The following VPS28 variants were observed in gnomAD, a reference collection of about 807,000 sequenced individuals.
VPS28 encodes the protein VPS28 subunit of ESCRT-I.
A neutral mutation model predicts 33.7 loss-of-function variants in VPS28; 29 were observed. The observed-to-expected ratio is 0.86, with a 90% CI of 0.64 to 1.17. The LOEUF (loss-of-function observed/expected upper bound fraction) is 1.17. Among genes scored for constraint, VPS28 ranks in the 50% most tolerant of loss-of-function variants. VPS28 has a pLI of 0.00. For missense variants in VPS28, 247 were observed against 312.2 expected (o/e 0.79, Z 1.57); for synonymous variants, 164 against 116.7 (o/e 1.40, Z -2.61).
At position 144,423,700 on chromosome 8, in the gene VPS28, G is replaced by A. The variant is rs1554875740; in HGVS notation, c.*105C>T. 4 of 1,418,348 alleles carry A rather than the reference G, an allele frequency of 2.8e-6. No individual in the cohort carries two copies. In the Admixed American group the frequency reaches 5.7e-5, roughly 20 times the overall value. The allele number at this position is 1,418,348 out of a possible 1,614,324, so 87.9% of individuals were successfully genotyped here. On this transcript the variant is annotated 3_prime_UTR_variant, in exon 10 of 10. Transcript: ENST00000292510. ...AAAGACAGACACCAGACAGGCAGCT[G>A]CAGACAGTGAGTTGTGTGGATGACC... is the stretch of plus-strand genomic sequence containing the variant.
At chr8:144,424,297 C>A (rs368917382) in intron 7 of VPS28, 29 bp from the exon 8 acceptor site, 6 of 1,568,856 alleles carry the variant, frequency 3.8e-6, no homozygotes, top group Admixed American at 1.9e-5. Context: ...ATGAGGCTCG[C>A]GTGTCCACGG....
intron 2 of VPS28, 153 bp from the exon 3 acceptor site, chr8:144,426,361 A>G (rs1391905478): frequency 1.9e-6 from 2 of 1,037,134 alleles, no homozygotes; most frequent in Admixed American, 3.1e-5. Context: ...TTCCAACCTC[A>G]CCCCTATCAG....
At position 144,426,991 on chromosome 8, in the gene VPS28, A is replaced by G. The variant is rs1554877017; in HGVS notation, c.-34-12T>C. 3 of 1,605,280 alleles carry G rather than the reference A, an allele frequency of 1.9e-6. No homozygotes were observed. The highest frequency in any genetic ancestry group is 3.3e-4 in the Middle Eastern group (2 of 6,040). On this transcript the variant is annotated splice_polypyrimidine_tract_variant and intron_variant, in intron 1 of 9. Coordinates refer to ENST00000292510, the MANE Select transcript of VPS28 (RefSeq NM_016208.4). ...CACAGCACTGAGACCTGGGGAGCAG[A>G]GCCAGGGCCGACTCAAAGATGGCCC...
Position 144,424,926 on chromosome 8 carries a change from T to C in VPS28, c.300+20A>G, listed in dbSNP as rs1330595908. 3 of 1,600,302 alleles carry C rather than the reference T, an allele frequency of 1.9e-6. No individual in the cohort carries two copies. The highest frequency in any genetic ancestry group is 2.6e-6 in the Non-Finnish European group (3 of 1,173,130). On this transcript the variant is annotated intron_variant, in intron 6 of 9. Coordinates refer to ENST00000292510, the MANE Select transcript of VPS28 (RefSeq NM_016208.4). ...GCCCGACAGTCTCGCCCCATGGGGG[T>C]GGAAGGACCAGGCACTCACGCGGAA...
rs1564719272 is a variant in VPS28 at position 144,425,668 on chromosome 8, G to A, written c.194+15C>T. The A allele has an allele frequency of 6.2e-6, 10 of 1,613,392 alleles. No homozygotes were observed. Among genetic ancestry groups the A allele is most frequent in the Admixed American group, 3.3e-5 (2 of 60,016 alleles). ...CCCAGGGCAGGAACAGACCTCCCAG[G>A]ACGTGGGCTCTTACTCGCTGGGGGA... On this transcript the variant is annotated intron_variant, in intron 5 of 9. Coordinates refer to ENST00000292510, the MANE Select transcript of VPS28 (RefSeq NM_016208.4).
rs374785775 is a variant in VPS28 at position 144,425,670 on chromosome 8, C to T, written c.194+13G>A. 8.1e-6 allele frequency: 13 copies of T among 1,613,308 alleles called. No individual in the cohort carries two copies. Among genetic ancestry groups the T allele is most frequent in the South Asian group, 6.6e-5 (6 of 91,076 alleles). On this transcript the variant is annotated intron_variant, in intron 5 of 9. Coordinates refer to ENST00000292510, the MANE Select transcript of VPS28 (RefSeq NM_016208.4). ...CAGGGCAGGAACAGACCTCCCAGGA[C>T]GTGGGCTCTTACTCGCTGGGGGAGA...
intron 7 of VPS28, 82 bp from the exon 8 acceptor site, chr8:144,424,350 G>C: frequency 1.3e-6 from 2 of 1,499,536 alleles, no homozygotes; most frequent in South Asian, 1.3e-5. Flanking sequence ...CCCCTCCTCA[G>C]CCACAGCTGT....
At chr8:144,425,238 G>A (rs879946371) in intron 5 of VPS28, 187 bp from the exon 6 acceptor site, 3 of 609,280 alleles carry the variant, frequency 4.9e-6, no homozygotes, top group Non-Finnish European at 8.7e-6. Flanking sequence ...AGTGGGGCTT[G>A]TAGCTCGGCT....
rs140922729 is a variant in VPS28 at position 144,424,976 on chromosome 8, G to A, written c.270C>T (p.Ser90=). The A allele has an allele frequency of 6.2e-5, 97 of 1,563,412 alleles. No homozygotes were observed. The African/African-American group carries it at 1.1e-3, about 17-fold the overall frequency. ...AFRQVQGSEI[S]SIDEFCRKFR... is the part of the protein sequence containing the mutation. ...ACTTGCGGCAGAATTCGTCAATAGA[G>A]CTGATTTCTGAGCCCTGGACCTGCC... Residue 90 remains serine (S), a synonymous_variant, in exon 6 of 10, where the codon AGC becomes AGT. Transcript: ENST00000292510.
In VPS28 at chr8:144,426,016, C is replaced by T. The variant is rs542182701; in HGVS notation, c.104+10G>A. ...GGGTGTGTTGGGACAGCCTGGGCGC[C>T]TGGACTTACTTCTCCCTCTCCCGGG... On this transcript the variant is annotated intron_variant, in intron 4 of 9. Transcript: ENST00000292510. The T allele has an allele frequency of 4.6e-6, 7 of 1,511,566 alleles. No individual in the cohort carries two copies. In the South Asian group the frequency reaches 8.7e-5, roughly 19 times the overall value. The allele number at this position is 1,511,566 out of a possible 1,614,324, so 93.6% of individuals were successfully genotyped here.
rs80341356 is a variant in VPS28, at chr8:144,427,173, G to A, written c.-34-194C>T. ...AATTAGCCGGACGTTGTGGCATACG[G>A]TTGTAATCCCAGCTACTCAGGAGGC... On this transcript the variant is annotated intron_variant, in intron 1 of 9. Transcript: ENST00000292510. 0.018 allele frequency: 7,247 copies of A among 413,562 alleles called. 635 individuals carry two copies. The East Asian group carries it at 0.23, about 13-fold the overall frequency. The allele number at this position is 413,562 out of a possible 1,614,324, so 25.6% of individuals were successfully genotyped here. A position where few individuals can be genotyped will look rare whatever the true frequency, so the allele number is the denominator to read the frequency against.
intron 2 of VPS28, 107 bp downstream of exon 2, chr8:144,426,802 C>G (rs989735040): frequency 1.5e-5 from 20 of 1,302,108 alleles, no homozygotes; most frequent in Non-Finnish European, 4.3e-6. Context: ...CAAGGCTGTA[C>G]GAGAGCAGGG....
chr8:144,423,682 GAC>G lies in VPS28; in HGVS notation c.*121_*122del. 1 of 1,294,184 alleles carries G rather than the reference GAC, an allele frequency of 7.7e-7. No individual in the cohort carries two copies. Among genetic ancestry groups the G allele is most frequent in the Non-Finnish European group, 1.1e-6 (1 of 923,576 alleles). 80.2% of individuals were successfully genotyped at this position (1,294,184 alleles called of 1,614,324 possible). Reference sequence around the variant, plus strand: ...CCCCAAAGTTCTGACACCAAAGACAGACACCAGACAGGCAGCTGCAGACAGTG... The same window carrying G: ...CCCCAAAGTTCTGACACCAAAGACAGACCAGACAGGCAGCTGCAGACAGTG... On this transcript the variant is annotated 3_prime_UTR_variant, in exon 10 of 10. Transcript: ENST00000292510.
At position 144,426,365 on chromosome 8, in the gene VPS28, CTA is replaced by C. The variant is rs1472869522; in HGVS notation, c.38-159_38-158del. ...GAGCACAGAGGTTCCAACCTCACCC[CTA>C]TCAGTGTGTGGGGGGACCTGATGAT... On this transcript the variant is annotated intron_variant, in intron 2 of 9. Transcript: ENST00000292510. The C allele has an allele frequency of 6.0e-6, 6 of 999,520 alleles. No homozygotes were observed. In the African/African-American group the frequency reaches 1.0e-4, roughly 17 times the overall value. 61.9% of individuals were successfully genotyped at this position (999,520 alleles called of 1,614,324 possible). A position where few individuals can be genotyped will look rare whatever the true frequency, so the allele number is the denominator to read the frequency against.
chr8:144,423,703 G>A lies in VPS28; in HGVS notation c.*102C>T, dbSNP rs1047667985. The stretch of plus-strand genomic sequence containing the variant: ...GACAGACACCAGACAGGCAGCTGCA[G>A]ACAGTGAGTTGTGTGGATGACCACG... On this transcript the variant is annotated 3_prime_UTR_variant, in exon 10 of 10. Transcript: ENST00000292510. The A allele has an allele frequency of 6.9e-7, 1 of 1,442,668 alleles. No individual in the cohort carries two copies. The highest frequency in any genetic ancestry group is 1.2e-5 in the South Asian group (1 of 83,344). The allele number at this position is 1,442,668 out of a possible 1,614,324, so 89.4% of individuals were successfully genotyped here. A position where few individuals can be genotyped will look rare whatever the true frequency, so the allele number is the denominator to read the frequency against.
chr8:144,424,638 C>T (rs546509669), intron 7 of VPS28, 80 bp downstream of exon 7: 3 of 1,460,502 alleles, frequency 2.1e-6, no homozygotes, highest in Non-Finnish European at 2.8e-6. Flanking sequence ...GCTCTGGAGG[C>T]CCAGGACCCT....
Position 144,425,771 on chromosome 8 carries a change from A to G in VPS28, c.106T>C (p.Tyr36His), listed in dbSNP as rs1405556694. The G allele has an allele frequency of 6.2e-7, 1 of 1,613,692 alleles. No individual in the cohort carries two copies. Among genetic ancestry groups the G allele is most frequent in the African/African-American group, 1.3e-5 (1 of 74,904 alleles). The change falls in exon 5 of 10, where the codon TAC becomes CAC. Residue 36 changes from tyrosine (Y) to histidine (H), a missense_variant and splice_region_variant. Tyr to His is a moderately conservative substitution (Grantham distance 83). Around this residue, in one of 3 missense-constraint regions of VPS28, gnomAD observed 149 missense variants for 172.8 expected, o/e 0.86. Coordinates refer to ENST00000292510, the MANE Select transcript of VPS28 (RefSeq NM_016208.4). Reference sequence around the variant, plus strand: ...GCAAACAGCTCTGCCATGTTGTCGTACCTGAGGACACACCTGTCTATCGGG... The same window carrying G: ...GCAAACAGCTCTGCCATGTTGTCGTGCCTGAGGACACACCTGTCTATCGGG... ...LYKNAREREK[Y>H]DNMAELFAVV...
intron 1 of VPS28, among the ~76,000 whole-genome samples, chr8:144,427,896 A>C (rs545284070): frequency 6.6e-6 from 1 of 152,008 alleles, no homozygotes; most frequent in South Asian, 2.1e-4. Flanking sequence ...GCAGTAAGAT[A>C]AACTCAGACG....
intron 1 of VPS28, among the ~76,000 whole-genome samples, chr8:144,428,078 G>A (rs782425989): frequency 1.3e-5 from 2 of 151,960 alleles, no homozygotes; most frequent in Admixed American, 1.3e-4. Flanking sequence ...CGCCCCAGCC[G>A]AGGAAGAGCC....
Sources: allele counts gnomAD v4.1 joint callset (sites outside exome capture counted in the v4.1 genomes callset), GRCh38; gene constraint gnomAD v4.1.1; regional missense constraint gnomAD v4.1.1; transcripts MANE v1.5; gene names NCBI Gene and HGNC (gene_info 2026-07-23, HGNC 2026-07-21).